VWA3A: variants seen among roughly 807,000 people sequenced by gnomAD.
The protein encoded by VWA3A is von Willebrand factor A domain-containing protein 3A.
A neutral mutation model predicts 160.4 loss-of-function variants in VWA3A; 134 were observed. That is an observed-to-expected ratio of 0.84 (90% CI 0.73 to 0.96). The LOEUF is 0.96. VWA3A is among the 40% of genes least tolerant of loss of function. The pLI, the probability that VWA3A is intolerant of heterozygous loss-of-function variation, is 0.00. For synonymous variants in VWA3A, 476 were observed against 543.4 expected (o/e 0.88, Z 1.72); for missense variants, 1,310 against 1,447.9 (o/e 0.90, Z 1.55).
At chr16:22,120,835 G>A (rs984470111) in intron 12 of VWA3A, 133 bp from the exon 13 acceptor site, 1 of 1,152,246 alleles carries the variant, frequency 8.7e-7, no homozygotes, top group Non-Finnish European at 1.2e-6. Flanking sequence ...GGAAGGGAAA[G>A]GCAAAACTGC....
chr16:22,120,481 CA>C (rs1481758522), intron 12 of VWA3A, among the ~76,000 whole-genome samples: 1 of 152,106 alleles, frequency 6.6e-6, no homozygotes, highest in African/African-American at 2.4e-5. Context: ...AATACAGTAG[CA>C]CTCAGATATA....
chr16:22,101,375 T>C (rs1207004199), intron 5 of VWA3A, among the ~76,000 whole-genome samples: 1 of 152,202 alleles, frequency 6.6e-6, no homozygotes, highest in Non-Finnish European at 1.5e-5. Context: ...TTTGCAAATA[T>C]ATGCCAAAAA....
At chr16:22,114,648 A>G (rs2045604397) in intron 8 of VWA3A, among the ~76,000 whole-genome samples, 1 of 152,130 alleles carries the variant, frequency 6.6e-6, no homozygotes, top group Non-Finnish European at 1.5e-5. Flanking sequence ...AAATGAGCTA[A>G]TATTTGTCCT....
chr16:22,139,890 C>T (rs2046111750), intron 22 of VWA3A, among the ~76,000 whole-genome samples: 1 of 152,154 alleles, frequency 6.6e-6, no homozygotes, highest in South Asian at 2.1e-4. Flanking sequence ...CTCACACACA[C>T]ACACATGCAT....
chr16:22,144,384 TGTAA>T lies in VWA3A; in HGVS notation c.2730+3_2730+6del. 1.9e-6 allele frequency: 3 copies of T among 1,610,582 alleles called. No individual in the cohort carries two copies. The highest frequency in any genetic ancestry group is 2.5e-6 in the Non-Finnish European group (3 of 1,179,202). ...GCATCTTCCCCAGCGTTGAGATCCA[TGTAA>T]GTCACAATTTTCATCATCGTCTTTT... is the stretch of plus-strand genomic sequence containing the variant. On this transcript the variant is annotated splice_donor_variant and splice_donor_region_variant and intron_variant, in intron 26 of 33. Coordinates refer to ENST00000389398, the MANE Select transcript of VWA3A (RefSeq NM_173615.5). LOFTEE classifies it high-confidence loss of function.
At chr16:22,118,771 A>T in intron 11 of VWA3A, 131 bp from the exon 12 acceptor site, 1 of 1,194,508 alleles carries the variant, frequency 8.4e-7, no homozygotes, top group Non-Finnish European at 1.2e-6. Context: ...CATGGGTCCC[A>T]GTGTATAAGG....
Position 22,123,434 on chromosome 16 carries a change from T to C in VWA3A, c.1438-179T>C. The C allele has an allele frequency of 2.6e-6, 4 of 1,533,872 alleles. No individual in the cohort carries two copies. The South Asian group carries it at 3.6e-5, about 14-fold the overall frequency. Reference sequence around the variant, plus strand: ...GATGCAATGAAATACCGTGTGACTCTTCCCTTCCTGTTCTTGTGGTGAATT... The same window carrying C: ...GATGCAATGAAATACCGTGTGACTCCTCCCTTCCTGTTCTTGTGGTGAATT... On this transcript the variant is annotated intron_variant, in intron 15 of 33. Transcript: ENST00000389398.
intron 27 of VWA3A, chr16:22,147,738 A>G (rs2046279438): frequency 2.9e-6 from 2 of 695,164 alleles, no homozygotes; most frequent in African/African-American, 1.7e-5. Flanking sequence ...GTGACATAAA[A>G]CCAGAGATCC....
chr16:22,118,345 G>C (rs1248371597), intron 11 of VWA3A, among the ~76,000 whole-genome samples: 1 of 152,040 alleles, frequency 6.6e-6, no homozygotes, highest in Non-Finnish European at 1.5e-5. Context: ...CGTGTAAAGT[G>C]TTTCTTTACA....
In VWA3A at chr16:22,146,511, G is replaced by A. The variant is rs1402631986; in HGVS notation, c.2839+167G>A. On this transcript the variant is annotated intron_variant, in intron 27 of 33. Transcript: ENST00000389398. The stretch of plus-strand genomic sequence containing the variant: ...ATACAACATGACACTGGGAGGCCGG[G>A]CGTGGTGGCTCATGCCTGTAATCTC... Among the ~76,000 whole-genome samples, 8 of 152,098 alleles carry A rather than the reference G, an allele frequency of 5.3e-5. No homozygotes were observed. In the East Asian group the frequency reaches 1.2e-3, roughly 22 times the overall value.
At chr16:22,138,892 T>A (rs771431778) in intron 22 of VWA3A, among the ~76,000 whole-genome samples, 1 of 152,016 alleles carries the variant, frequency 6.6e-6, no homozygotes, top group Non-Finnish European at 1.5e-5. Context: ...ACCCAAGACT[T>A]TGCAGAGGCT....
At chr16:22,141,101 G>T (rs2046139579) in intron 23 of VWA3A, 1 of 439,766 alleles carries the variant, frequency 2.3e-6, no homozygotes, top group East Asian at 7.0e-5. Flanking sequence ...GCTCAGGGGG[G>T]TAAGGATCAT....
chr16:22,113,363 CTT>C (rs569069206), intron 8 of VWA3A, among the ~76,000 whole-genome samples: 7 of 46,252 alleles, frequency 1.5e-4, no homozygotes, highest in East Asian at 1.3e-3. Flanking sequence ...GGCTAATTTT[CTT>C]TTTTTTTTTT....
chr16:22,143,026 T>C (rs910381490), intron 25 of VWA3A, among the ~76,000 whole-genome samples: 1 of 151,946 alleles, frequency 6.6e-6, no homozygotes. Flanking sequence ...GGCACGCACC[T>C]GTACTCCCAG....
At position 22,126,248 on chromosome 16, in the gene VWA3A, C is replaced by T; in HGVS notation, c.1603C>T (p.Leu535=). The T allele has an allele frequency of 6.2e-7, 1 of 1,613,958 alleles. No homozygotes were observed. Among genetic ancestry groups the T allele is most frequent in the Non-Finnish European group, 8.5e-7 (1 of 1,179,882 alleles). Residue 535 remains leucine (L), a synonymous_variant, in exon 17 of 34, where the codon CTG becomes TTG. Transcript: ENST00000389398. The stretch of plus-strand genomic sequence containing the variant: ...TATTCATATCCAGCACTCCCTGCGG[C>T]TGCTGCTGGAGGAGCAGTTATCCAA... ...YIIHIQHSLR[L]LLEEQLSNKD...
chr16:22,153,256 T>C (rs188668560), intron 31 of VWA3A, among the ~76,000 whole-genome samples: 1 of 152,226 alleles, frequency 6.6e-6, no homozygotes, highest in East Asian at 1.9e-4. Flanking sequence ...TGAGGCAGAA[T>C]TGCTTAAGCC....
In VWA3A at chr16:22,141,689, G is replaced by C. The variant is rs771419391; in HGVS notation, c.2491G>C (p.Val831Leu). 6.2e-7 allele frequency: 1 copy of C among 1,606,978 alleles called. No homozygotes were observed. The highest frequency in any genetic ancestry group is 8.5e-7 in the Non-Finnish European group (1 of 1,176,756). ...LLFYTEKGNDVGSVYKKYPQG... is the reference protein window; with the variant it reads ...LLFYTEKGNDLGSVYKKYPQG... ...GTTCTACACAGAGAAAGGGAATGACGTGGGTAAGTTAGAGGCTATACAGGT... is the reference window on the plus strand; with the variant it reads ...GTTCTACACAGAGAAAGGGAATGACCTGGGTAAGTTAGAGGCTATACAGGT... The change falls in exon 24 of 34, where the codon GTG becomes CTG. Residue 831 changes from valine to leucine, a missense_variant. By Grantham distance (32) the Val-to-Leu change is conservative. Coordinates refer to ENST00000389398, the MANE Select transcript of VWA3A (RefSeq NM_173615.5).
At chr16:22,150,899 C>T in intron 30 of VWA3A, 53 bp downstream of exon 30, 1 of 1,559,970 alleles carries the variant, frequency 6.4e-7, no homozygotes, top group Non-Finnish European at 8.7e-7. Flanking sequence ...AGCCACACAT[C>T]TCAGCAGGGA....
rs182683971 is a variant in VWA3A, at chr16:22,134,426, C to T, written c.2127C>T (p.Asn709=). ...SIMSEMEKAL[N]YSQKCAFLMA... is the part of the protein sequence containing the mutation. ...TGTCTGAGATGGAAAAGGCTCTCAA[C>T]TACTCCCAAAAGGTATGCCCTGGGC... The change falls in exon 21 of 34, where the codon AAC becomes AAT. Residue 709 remains asparagine, a synonymous_variant. Transcript: ENST00000389398. The T allele has an allele frequency of 2.1e-5, 34 of 1,593,406 alleles. 1 individual carries two copies. The highest frequency in any genetic ancestry group is 1.4e-4 in the Admixed American group (8 of 57,122).
Sources: allele counts gnomAD v4.1 joint callset (sites outside exome capture counted in the v4.1 genomes callset), GRCh38; gene constraint gnomAD v4.1.1; transcripts MANE v1.5; gene names NCBI Gene and HGNC (gene_info 2026-07-23, HGNC 2026-07-21).